Variants in PTAR1 observed in about 807,000 individuals in gnomAD.
PTAR1 encodes protein prenyltransferase alpha subunit repeat-containing protein 1.
Under a neutral mutation model 45.5 loss-of-function variants are expected in PTAR1, and 17 were observed. The observed-to-expected ratio is 0.37, with a 90% CI of 0.26 to 0.56. The LOEUF (loss-of-function observed/expected upper bound fraction) is 0.56. Among genes scored for constraint, PTAR1 ranks in the 20% least tolerant of loss-of-function variants. The probability of loss-of-function intolerance (pLI) is 0.77; values close to 1 mark genes in which losing one functional copy is unlikely to be tolerated. For synonymous variants in PTAR1, 169 were observed against 171.3 expected (o/e 0.99, Z 0.11); for missense variants, 391 against 476.3 (o/e 0.82, Z 1.67).
intron 4 of PTAR1, among the ~76,000 whole-genome samples, chr9:69,732,714 G>T (rs566841714): frequency 2.0e-5 from 3 of 152,060 alleles, no homozygotes; most frequent in African/African-American, 7.2e-5. Flanking sequence ...TAAATTAATG[G>T]CTGATAAATA....
Position 69,713,276 on chromosome 9 carries a change from G to A in PTAR1, c.*5066C>T, listed in dbSNP as rs2134059771. 6.6e-6 allele frequency: 1 copy of A among 151,918 alleles called. No individual in the cohort carries two copies. The highest frequency in any genetic ancestry group is 2.4e-5 in the African/African-American group (1 of 41,388). 9.4% of individuals were successfully genotyped at this position (151,918 alleles called of 1,614,324 possible). A position where few individuals can be genotyped will look rare whatever the true frequency, so the allele number is the denominator to read the frequency against. ...GAGAAGTCAAAGTTGGGAGCCTGAG[G>A]TTTCCTCTCCCACCTGAGATCCACA... On this transcript the variant is annotated 3_prime_UTR_variant, in exon 8 of 8. Transcript: ENST00000340434.
rs1824476455 is a variant in PTAR1, at chr9:69,710,297, T to A, written c.*8045A>T. On this transcript the variant is annotated 3_prime_UTR_variant, in exon 8 of 8. Transcript: ENST00000340434. ...AGAAGATAAGGTGTTTCATTAATAA[T>A]CTTTTATATTGATTACATGTTGAAA... 6.6e-6 allele frequency: 1 copy of A among 152,130 alleles called. No homozygotes were observed. Among genetic ancestry groups the A allele is most frequent in the Admixed American group, 6.6e-5 (1 of 15,260 alleles). 9.4% of individuals were successfully genotyped at this position (152,130 alleles called of 1,614,324 possible).
intron 3 of PTAR1, among the ~76,000 whole-genome samples, chr9:69,740,885 C>A (rs1210504504): frequency 6.6e-6 from 1 of 151,992 alleles, no homozygotes; most frequent in Admixed American, 6.6e-5. Context: ...TCAATATATC[C>A]AAAATATAAT....
intron 5 of PTAR1, among the ~76,000 whole-genome samples, chr9:69,727,423 G>A (rs551798939): frequency 1.5e-4 from 22 of 151,580 alleles, no homozygotes; most frequent in African/African-American, 5.1e-4. Flanking sequence ...ATCCTTCTGC[G>A]CTTGGCTTAT....
chr9:69,728,760 T>C (rs1405178447), intron 5 of PTAR1, among the ~76,000 whole-genome samples: 1 of 152,226 alleles, frequency 6.6e-6, no homozygotes, highest in Non-Finnish European at 1.5e-5. Flanking sequence ...TAAATGTTTA[T>C]TTAAGCATGC....
chr9:69,735,801 A>G lies in PTAR1; in HGVS notation c.324-1547T>C, dbSNP rs141220977. 3.2e-4 allele frequency among the ~76,000 whole-genome samples: 48 copies of G among 152,168 alleles called. 2 individuals are homozygous for G. The East Asian group carries it at 5.6e-3, about 18-fold the overall frequency. On this transcript the variant is annotated intron_variant, in intron 3 of 7. Transcript: ENST00000340434. ...AAAACCAGAATCCAGCTCTTATACC[A>G]TATCTACTTAGACGGACTTAATTCC...
chr9:69,730,152 C>T (rs1046010354), intron 5 of PTAR1, among the ~76,000 whole-genome samples: 1 of 151,996 alleles, frequency 6.6e-6, no homozygotes, highest in African/African-American at 2.4e-5. Context: ...TCACTGACAA[C>T]AAGAGCAAGA....
chr9:69,757,200 T>C (rs931619627), intron 1 of PTAR1: 1 of 152,226 alleles, frequency 6.6e-6, no homozygotes, highest in African/African-American at 2.4e-5. Flanking sequence ...GTTTACATTA[T>C]AAACTGTTGT....
intron 6 of PTAR1, among the ~76,000 whole-genome samples, chr9:69,719,949 C>T (rs1824913936): frequency 1.3e-5 from 2 of 152,312 alleles, no homozygotes; most frequent in South Asian, 2.1e-4. Context: ...GTTCTGATTG[C>T]TCCACCAACC....
intron 3 of PTAR1, among the ~76,000 whole-genome samples, chr9:69,737,620 T>A (rs1484667137): frequency 6.6e-6 from 1 of 152,216 alleles, no homozygotes; most frequent in African/African-American, 2.4e-5. Context: ...ACTACTCTTT[T>A]TCTTTTCTCA....
intron 5 of PTAR1, among the ~76,000 whole-genome samples, chr9:69,724,028 A>G (rs1003810038): frequency 2.0e-5 from 3 of 152,184 alleles, no homozygotes; most frequent in African/African-American, 7.2e-5. Context: ...TTTGATATAA[A>G]CTTTATTTTA....
At chr9:69,743,349 T>TAAA in intron 2 of PTAR1, among the ~76,000 whole-genome samples, 1 of 152,232 alleles carries the variant, frequency 6.6e-6, no homozygotes, top group Middle Eastern at 3.4e-3. Flanking sequence ...TTTTCAGTGT[T>TAAA]TAAGTAAAAT....
intron 2 of PTAR1, among the ~76,000 whole-genome samples, chr9:69,742,229 G>C (rs1826072927): frequency 6.6e-6 from 1 of 152,030 alleles, no homozygotes; most frequent in African/African-American, 2.4e-5. Flanking sequence ...AGTATTGACG[G>C]TGTGTGCGAA....
intron 4 of PTAR1, 143 bp downstream of exon 4, chr9:69,734,007 G>C: frequency 1.7e-6 from 1 of 573,070 alleles, no homozygotes; most frequent in Non-Finnish European, 3.1e-6. Context: ...AAGTTATATA[G>C]CTCCTAGATT....
chr9:69,726,153 A>G (rs1170198962), intron 5 of PTAR1, among the ~76,000 whole-genome samples: 1 of 152,144 alleles, frequency 6.6e-6, no homozygotes, highest in East Asian at 1.9e-4. Context: ...AAATATAAAA[A>G]AGCAAACAAA....
In PTAR1 at chr9:69,718,269, T is replaced by C; in HGVS notation, c.*73A>G. 9.6e-7 allele frequency: 1 copy of C among 1,045,402 alleles called. No individual in the cohort carries two copies. The highest frequency in any genetic ancestry group is 1.4e-6 in the Non-Finnish European group (1 of 723,290). 64.8% of individuals were successfully genotyped at this position (1,045,402 alleles called of 1,614,324 possible). A position where few individuals can be genotyped will look rare whatever the true frequency, so the allele number is the denominator to read the frequency against. Reference sequence around the variant, plus strand: ...TTAGCCAATAATAGTAAACAGTTCATGCAACTATGTAAATAATAAAAGAAA... The same window carrying C: ...TTAGCCAATAATAGTAAACAGTTCACGCAACTATGTAAATAATAAAAGAAA... On this transcript the variant is annotated 3_prime_UTR_variant, in exon 8 of 8. Transcript: ENST00000340434.
rs1219603209 is a variant in PTAR1, at chr9:69,711,816, T to C, written c.*6526A>G. ...CTCCAGCTTAAATAAGCCTCATAAA[T>C]CATGTCAAATGATATAATTTCAAAA... On this transcript the variant is annotated 3_prime_UTR_variant, in exon 8 of 8. Coordinates refer to ENST00000340434, the MANE Select transcript of PTAR1 (RefSeq NM_001099666.2). The C allele has an allele frequency of 6.6e-6, 1 of 152,160 alleles. No individual in the cohort carries two copies. The highest frequency in any genetic ancestry group is 2.4e-5 in the African/African-American group (1 of 41,450). The allele number at this position is 152,160 out of a possible 1,614,324, so 9.4% of individuals were successfully genotyped here. A position where few individuals can be genotyped will look rare whatever the true frequency, so the allele number is the denominator to read the frequency against.
Position 69,759,869 on chromosome 9 carries a change from T to C in PTAR1, c.70A>G (p.Arg24Gly). ...GCGACTCACATGTGTGGGTTCCTCC[T>C]GAAGGCGTTAGTGATGTCCTTCACA... ...RVVKDITNAF[R>G]RNPHIDEIGL... The change falls in exon 1 of 8, where the codon AGG becomes GGG. Residue 24 changes from arginine (R) to glycine (G), a missense_variant. By Grantham distance (125) the Arg-to-Gly change is moderately radical. Around this residue, in one of 5 missense-constraint regions of PTAR1, gnomAD observed 152 missense variants for 160.0 expected, o/e 0.95. Transcript: ENST00000340434. The C allele has an allele frequency of 2.6e-6, 4 of 1,529,624 alleles. No individual in the cohort carries two copies. Among genetic ancestry groups the C allele is most frequent in the East Asian group, 5.4e-5 (2 of 36,880 alleles). 94.8% of individuals were successfully genotyped at this position (1,529,624 alleles called of 1,614,324 possible). A position where few individuals can be genotyped will look rare whatever the true frequency, so the allele number is the denominator to read the frequency against.
chr9:69,731,773 CA>C (rs5898093), intron 5 of PTAR1, among the ~76,000 whole-genome samples: 43,374 of 152,074 alleles, frequency 0.29, 7,630 homozygotes, highest in Admixed American at 0.4. Flanking sequence ...AAAAGACAGC[CA>C]GCTGACTTAG....
Sources: allele counts gnomAD v4.1 joint callset (sites outside exome capture counted in the v4.1 genomes callset), GRCh38; gene constraint gnomAD v4.1.1; regional missense constraint gnomAD v4.1.1; transcripts MANE v1.5; gene names NCBI Gene and HGNC (gene_info 2026-07-23, HGNC 2026-07-21).